KCNH1: variants seen among roughly 807,000 people sequenced by gnomAD.
KCNH1 encodes voltage-gated delayed rectifier potassium channel KCNH1.
A neutral mutation model predicts 69.2 loss-of-function variants in KCNH1; 27 were observed. That is an observed-to-expected ratio of 0.39 (90% CI 0.29 to 0.54). The LOEUF (loss-of-function observed/expected upper bound fraction) is 0.54. Ranked by LOEUF, KCNH1 falls within the 20% of genes least tolerant of loss-of-function variation. The probability of loss-of-function intolerance (pLI) is 0.68; values close to 1 mark genes in which losing one functional copy is unlikely to be tolerated. For synonymous variants in KCNH1, 456 were observed against 487.7 expected (o/e 0.93, Z 0.86); for missense variants, 798 against 1,261.6 (o/e 0.63, Z 5.57).
chr1:210,736,552 A>G (rs1010246071), intron 10 of KCNH1, among the ~76,000 whole-genome samples: 5 of 151,808 alleles, frequency 3.3e-5, no homozygotes, highest in Non-Finnish European at 7.4e-5. Flanking sequence ...CCCCCTCCAA[A>G]AAAAAATTAC....
intron 6 of KCNH1, among the ~76,000 whole-genome samples, chr1:210,947,335 C>T (rs1051821068): frequency 6.6e-6 from 1 of 151,688 alleles, no homozygotes; most frequent in South Asian, 2.1e-4. Flanking sequence ...TTTGGGAGGC[C>T]GAGGCGGGCG....
intron 6 of KCNH1, among the ~76,000 whole-genome samples, chr1:210,985,617 T>C (rs1157141053): frequency 6.6e-6 from 1 of 152,220 alleles, no homozygotes; most frequent in Non-Finnish European, 1.5e-5. Flanking sequence ...TAATCCTGAG[T>C]TCTAGTTTGA....
At chr1:210,806,828 A>AT (rs1684582696) in intron 7 of KCNH1, among the ~76,000 whole-genome samples, 1 of 52,758 alleles carries the variant, frequency 1.9e-5, no homozygotes, top group African/African-American at 6.2e-5. Context: ...AAAAAAAAAA[A>AT]AAAAAAAAAT....
intron 10 of KCNH1, among the ~76,000 whole-genome samples, chr1:210,756,535 T>C: frequency 6.6e-6 from 1 of 152,210 alleles, no homozygotes; most frequent in Admixed American, 6.5e-5. Context: ...CAAGAGGTTT[T>C]TTAAAAATTA....
intron 6 of KCNH1, among the ~76,000 whole-genome samples, chr1:210,973,152 C>G (rs751373194): frequency 5.3e-5 from 8 of 152,100 alleles, no homozygotes; most frequent in Non-Finnish European, 8.8e-5. Flanking sequence ...ATGTTAATAT[C>G]ATTCTGACCT....
chr1:211,101,165 C>T (rs1691250181), intron 3 of KCNH1, among the ~76,000 whole-genome samples: 1 of 152,170 alleles, frequency 6.6e-6, no homozygotes, highest in Admixed American at 6.5e-5. Context: ...GCCCTTATGG[C>T]TCTGTTCCGT....
At chr1:210,909,019 C>T (rs941448931) in intron 7 of KCNH1, among the ~76,000 whole-genome samples, 1 of 152,228 alleles carries the variant, frequency 6.6e-6, no homozygotes, top group Non-Finnish European at 1.5e-5. Context: ...CACCACGTAG[C>T]TATGATTCAG....
intron 9 of KCNH1, among the ~76,000 whole-genome samples, chr1:210,795,011 C>A (rs1446045311): frequency 1.3e-5 from 2 of 152,196 alleles, no homozygotes; most frequent in African/African-American, 4.8e-5. Context: ...GATAAGGGGG[C>A]AAGGAACAGA....
At chr1:210,793,730 G>GT (rs981472290) in intron 9 of KCNH1, among the ~76,000 whole-genome samples, 40 of 152,284 alleles carry the variant, frequency 2.6e-4, no homozygotes, top group Admixed American at 1.0e-3. Context: ...GAGCTCTGGC[G>GT]TTTTTTTCTA....
chr1:211,012,441 T>C (rs1206046380), intron 6 of KCNH1, among the ~76,000 whole-genome samples: 2 of 152,184 alleles, frequency 1.3e-5, no homozygotes, highest in Non-Finnish European at 2.9e-5. Context: ...GGTACATCCA[T>C]ACAATAGGAT....
chr1:210,926,087 C>T (rs1687567408), intron 6 of KCNH1, among the ~76,000 whole-genome samples: 1 of 152,152 alleles, frequency 6.6e-6, no homozygotes, highest in African/African-American at 2.4e-5. Context: ...GGTGAAACCC[C>T]ATCTCTACTA....
intron 5 of KCNH1, among the ~76,000 whole-genome samples, chr1:211,069,291 C>T (rs553564528): frequency 1.8e-5 from 2 of 113,706 alleles, no homozygotes; most frequent in South Asian, 6.9e-4. Context: ...CCCCACCCCC[C>T]ACCCTACCAT....
intron 7 of KCNH1, among the ~76,000 whole-genome samples, chr1:210,866,479 AG>A (rs1686113000): frequency 6.6e-6 from 1 of 152,220 alleles, no homozygotes; most frequent in Admixed American, 6.5e-5. Flanking sequence ...TCTCCAAAGA[AG>A]ATATAGAAAT....
chr1:210,773,828 T>G (rs1009855357), intron 10 of KCNH1, among the ~76,000 whole-genome samples: 1 of 152,220 alleles, frequency 6.6e-6, no homozygotes, highest in Admixed American at 6.5e-5. Context: ...TTCCCAGAGA[T>G]AGGGAACTGA....
At chr1:210,923,571 G>A (rs1245238187) in intron 6 of KCNH1, among the ~76,000 whole-genome samples, 1 of 152,232 alleles carries the variant, frequency 6.6e-6, no homozygotes, top group Non-Finnish European at 1.5e-5. Context: ...GACTGTGCCT[G>A]CTCAGACTGG....
intron 6 of KCNH1, among the ~76,000 whole-genome samples, chr1:210,996,664 C>T (rs528452324): frequency 6.6e-6 from 1 of 152,226 alleles, no homozygotes; most frequent in Non-Finnish European, 1.5e-5. Flanking sequence ...AGCTGGAGAT[C>T]TGAGAACTGG....
At chr1:210,963,756 G>T (rs911594018) in intron 6 of KCNH1, among the ~76,000 whole-genome samples, 2 of 151,988 alleles carry the variant, frequency 1.3e-5, no homozygotes. Context: ...AGAATGAAAA[G>T]GAATGAACAA....
intron 6 of KCNH1, among the ~76,000 whole-genome samples, chr1:211,012,018 C>T: frequency 6.6e-6 from 1 of 152,196 alleles, no homozygotes; most frequent in East Asian, 1.9e-4. Flanking sequence ...GAGAAATGCA[C>T]TCATCCGCAG....
intron 6 of KCNH1, among the ~76,000 whole-genome samples, chr1:210,979,697 G>A (rs943247189): frequency 6.6e-6 from 1 of 151,788 alleles, no homozygotes; most frequent in South Asian, 2.1e-4. Flanking sequence ...GTGTTTTCTG[G>A]TCTTTGAAGC....
Sources: gnomAD v4.1 joint callset for allele counts (sites outside exome capture counted in the v4.1 genomes callset) on GRCh38, gnomAD v4.1.1 for gene constraint, MANE v1.5 for transcripts, NCBI Gene and HGNC (gene_info 2026-07-23, HGNC 2026-07-21) for gene names.